GPR65: variants seen among roughly 807,000 people sequenced by gnomAD.
GPR65 encodes G protein-coupled receptor 65, also known as T-cell death-associated gene 8 protein.
Under a neutral mutation model 0.7 loss-of-function variants are expected in GPR65, and 2 were observed. That is an observed-to-expected ratio of 2.83 (90% CI 1.16 to 8.92). The LOEUF is 8.92. Among genes scored for constraint, GPR65 ranks in the 30% most tolerant of loss-of-function variants. The probability of loss-of-function intolerance (pLI) is 0.04; values close to 1 mark genes in which losing one functional copy is unlikely to be tolerated. For missense variants in GPR65, 379 were observed against 399.4 expected, an observed-to-expected ratio of 0.95 and a Z score of 0.43; for synonymous variants, 128 against 146.5, an observed-to-expected ratio of 0.87 and a Z score of 0.91.
rs1027687236 is a variant in GPR65, at chr14:88,010,959, G to T, written c.112G>T (p.Val38Leu). 6.2e-7 allele frequency: 1 copy of T among 1,612,922 alleles called. No individual in the cohort carries two copies. The change falls in exon 2 of 2, where the codon GTG (valine) becomes TTG (leucine). Residue 38 changes from valine (V) to leucine (L), a missense_variant. Transcript: ENST00000267549. Reference sequence around the variant, plus strand: ...TCCAGCCAATATTGGATCTCTGTGTGTGTCTTTCCTGCAAGCAAAGAAGGA... The same window carrying T: ...TCCAGCCAATATTGGATCTCTGTGTTTGTCTTTCCTGCAAGCAAAGAAGGA... ...SIPANIGSLC[V>L]SFLQAKKESE... is the part of the protein sequence containing the mutation.
At chr14:88,009,417 T>C (rs879937166) in intron 1 of GPR65, among the ~76,000 whole-genome samples, 1 of 152,142 alleles carries the variant, frequency 6.6e-6, no homozygotes, top group Non-Finnish European at 1.5e-5. Context: ...TGAAATATGA[T>C]ATATTTTCCC....
Position 88,011,916 on chromosome 14 carries a change from C to A in GPR65, c.*55C>A. 7.8e-7 allele frequency: 1 copy of A among 1,276,354 alleles called. No homozygotes were observed. The highest frequency in any genetic ancestry group is 1.1e-6 in the Non-Finnish European group (1 of 917,822). The allele number at this position is 1,276,354 out of a possible 1,614,324, so 79.1% of individuals were successfully genotyped here. On this transcript the variant is annotated 3_prime_UTR_variant, in exon 2 of 2. Coordinates refer to ENST00000267549, the MANE Select transcript of GPR65 (RefSeq NM_003608.4). The stretch of plus-strand genomic sequence containing the variant: ...TTTAAGTTATGCATTATTATATCAT[C>A]AAGATTACATTTTGAAAAGGAAATC...
Position 88,007,784 on chromosome 14 carries a change from C to CTG in GPR65, c.-460+2568_-460+2569dup, listed in dbSNP as rs764452295. ...GACACGTAGTTGCTTATTATTCTCT[C>CTG]TGTGTGTATGTGTGTGTGTGTGTGT... On this transcript the variant is annotated intron_variant, in intron 1 of 1. Transcript: ENST00000267549. 4.1e-3 allele frequency among the ~76,000 whole-genome samples: 470 copies of CTG among 114,052 alleles called. 4 individuals are homozygous for CTG. The highest frequency in any genetic ancestry group is 0.03 in the Middle Eastern group (7 of 236). 74.8% of individuals were successfully genotyped at this position (114,052 alleles called of 152,430 possible).
intron 1 of GPR65, among the ~76,000 whole-genome samples, chr14:88,007,150 A>G (rs186494271): frequency 4.6e-4 from 70 of 152,108 alleles, no homozygotes; most frequent in Non-Finnish European, 7.9e-4. Context: ...GTGAACTGCA[A>G]TTTTATTGCA....
In GPR65 at chr14:88,011,817, T is replaced by G. The variant is rs768435925; in HGVS notation, c.970T>G (p.Ser324Ala). The change falls in exon 2 of 2, where the codon TCT (serine) becomes GCT (alanine). Residue 324 changes from serine (S) to alanine (A), a missense_variant. Ser to Ala is a moderately conservative substitution (Grantham distance 99, BLOSUM62 1). Transcript: ENST00000267549. Reference protein sequence around the residue: ...TSQRQRKRILSVSTKDTMELE... With the variant: ...TSQRQRKRILAVSTKDTMELE... ...ACAAAGACAAAGAAAACGCATACTT[T>G]CTGTGTCTACAAAAGATACTATGGA... 2 of 1,593,966 alleles carry G rather than the reference T, an allele frequency of 1.3e-6. No individual in the cohort carries two copies. Among genetic ancestry groups the G allele is most frequent in the Non-Finnish European group, 1.7e-6 (2 of 1,168,358 alleles).
rs1887662244 is a variant in GPR65 at position 88,010,725 on chromosome 14, AG to A, written c.-122del. On this transcript the variant is annotated 5_prime_UTR_variant, in exon 2 of 2. Coordinates refer to ENST00000267549, the MANE Select transcript of GPR65 (RefSeq NM_003608.4). ...AATTAATTAGAACTTTAGACAACAA[AG>A]AAAAATTGAAAAAGAATTCTCAGTA... The A allele has an allele frequency of 1.5e-6, 1 of 660,872 alleles. No individual in the cohort carries two copies. Among genetic ancestry groups the A allele is most frequent in the Admixed American group, 2.9e-5 (1 of 34,736 alleles). The allele number at this position is 660,872 out of a possible 1,614,324, so 40.9% of individuals were successfully genotyped here.
Position 88,010,951 on chromosome 14 carries a change from C to T in GPR65, c.104C>T (p.Ser35Phe). ...GTCAGCATTCCAGCCAATATTGGATCTCTGTGTGTGTCTTTCCTGCAAGCA... is the reference window on the plus strand; with the variant it reads ...GTCAGCATTCCAGCCAATATTGGATTTCTGTGTGTGTCTTTCCTGCAAGCA... The part of the protein sequence containing the change: ...IIVSIPANIG[S>F]LCVSFLQAKK... Residue 35 changes from serine to phenylalanine, a missense_variant, in exon 2 of 2, where the codon TCT becomes TTT. Transcript: ENST00000267549. 1 of 1,612,494 alleles carries T rather than the reference C, an allele frequency of 6.2e-7. No individual in the cohort carries two copies. The highest frequency in any genetic ancestry group is 8.5e-7 in the Non-Finnish European group (1 of 1,178,552).
intron 1 of GPR65, among the ~76,000 whole-genome samples, chr14:88,007,792 A>ATGTGTGTGTG (rs3994051): frequency 2.3e-4 from 31 of 136,242 alleles, no homozygotes; most frequent in East Asian, 1.6e-3. Flanking sequence ...CTCTGTGTGT[A>ATGTGTGTGTG]TGTGTGTGTG....
rs1379752342 is a variant in GPR65, at chr14:88,011,114, G to C, written c.267G>C (p.Gly89=). ...NWTFSPALCK[G]SAFLMYMNFY... ...CTTTCTCTCCTGCCTTGTGCAAAGG[G>C]AGTGCTTTTCTCATGTACATGAATT... Residue 89 remains glycine, a synonymous_variant, in exon 2 of 2, where the codon GGG becomes GGC. Transcript: ENST00000267549. 1.9e-6 allele frequency: 3 copies of C among 1,613,882 alleles called. No homozygotes were observed. Among genetic ancestry groups the C allele is most frequent in the East Asian group, 4.5e-5 (2 of 44,896 alleles).
rs1887739916 is a variant in GPR65 at position 88,014,737 on chromosome 14, T to G, written c.*2876T>G. 6.6e-6 allele frequency: 1 copy of G among 152,100 alleles called. No individual in the cohort carries two copies. The highest frequency in any genetic ancestry group is 6.6e-5 in the Admixed American group (1 of 15,264). The allele number at this position is 152,100 out of a possible 1,614,324, so 9.4% of individuals were successfully genotyped here. A position where few individuals can be genotyped will look rare whatever the true frequency, so the allele number is the denominator to read the frequency against. On this transcript the variant is annotated 3_prime_UTR_variant, in exon 2 of 2. Coordinates refer to ENST00000267549, the MANE Select transcript of GPR65 (RefSeq NM_003608.4). ...CATAAAGGGATGAGCTAGAGAGGTC[T>G]CCATATTATCATTCAATGTGAGAAT...
chr14:88,008,417 G>C (rs1372187275), intron 1 of GPR65, among the ~76,000 whole-genome samples: 1 of 152,072 alleles, frequency 6.6e-6, no homozygotes, highest in Admixed American at 6.6e-5. Flanking sequence ...ACTCTTTTGT[G>C]TCTTTTTTTT....
intron 1 of GPR65, among the ~76,000 whole-genome samples, chr14:88,007,414 T>C (rs1887609820): frequency 6.6e-6 from 1 of 152,060 alleles, no homozygotes; most frequent in African/African-American, 2.4e-5. Context: ...ATATCTCTTA[T>C]ATTTTCCCAT....
chr14:88,012,280 A>C lies in GPR65; in HGVS notation c.*419A>C, dbSNP rs1267269383. On this transcript the variant is annotated 3_prime_UTR_variant, in exon 2 of 2. Coordinates refer to ENST00000267549, the MANE Select transcript of GPR65 (RefSeq NM_003608.4). ...CGGTCTCCAACAACCCCAGCTACTG[A>C]ATACTGCTTCTAATCTCCTCATTCA... 1 of 154,954 alleles carries C rather than the reference A, an allele frequency of 6.5e-6. No homozygotes were observed. Among genetic ancestry groups the C allele is most frequent in the Admixed American group, 6.4e-5 (1 of 15,600 alleles). 9.6% of individuals were successfully genotyped at this position (154,954 alleles called of 1,614,324 possible).
intron 1 of GPR65, among the ~76,000 whole-genome samples, chr14:88,009,863 T>C (rs137955538): frequency 3.9e-5 from 6 of 152,352 alleles, no homozygotes; most frequent in African/African-American, 1.2e-4. Flanking sequence ...TAGGATTGTC[T>C]AATTATATGC....
At position 88,014,688 on chromosome 14, in the gene GPR65, CA is replaced by C. The variant is rs1887738665; in HGVS notation, c.*2832del. On this transcript the variant is annotated 3_prime_UTR_variant, in exon 2 of 2. Transcript: ENST00000267549. ...TCAAATAATGTTACAATTCGATGTT[CA>C]AAAAGCAATCCAGGTACATAGCCAT... 1 of 151,980 alleles carries C rather than the reference CA, an allele frequency of 6.6e-6. No individual in the cohort carries two copies. The allele number at this position is 151,980 out of a possible 1,614,324, so 9.4% of individuals were successfully genotyped here. A position where few individuals can be genotyped will look rare whatever the true frequency, so the allele number is the denominator to read the frequency against.
Position 88,010,937 on chromosome 14 carries a change from A to G in GPR65, c.90A>G (p.Pro30=), listed in dbSNP as rs1002366983. ...VYIFVIIVSI[P]ANIGSLCVSF... ...TCTTTGTGATTATAGTCAGCATTCC[A>G]GCCAATATTGGATCTCTGTGTGTGT... The change falls in exon 2 of 2, where the codon CCA becomes CCG. Residue 30 remains proline, a synonymous_variant. Coordinates refer to ENST00000267549, the MANE Select transcript of GPR65 (RefSeq NM_003608.4). The G allele has an allele frequency of 6.2e-7, 1 of 1,612,298 alleles. No individual in the cohort carries two copies. Among genetic ancestry groups the G allele is most frequent in the Non-Finnish European group, 8.5e-7 (1 of 1,178,344 alleles).
At chr14:88,010,163 A>G (rs552373771) in intron 1 of GPR65, among the ~76,000 whole-genome samples, 2 of 152,336 alleles carry the variant, frequency 1.3e-5, no homozygotes, top group Non-Finnish European at 2.9e-5. Flanking sequence ...CTCTAATCTA[A>G]CATGCCTCAG....
rs532186378 is a variant in GPR65 at position 88,010,782 on chromosome 14, A to G, written c.-66A>G. 3.6e-6 allele frequency: 4 copies of G among 1,106,366 alleles called. No individual in the cohort carries two copies. The highest frequency in any genetic ancestry group is 3.1e-5 in the African/African-American group (2 of 63,922). 68.5% of individuals were successfully genotyped at this position (1,106,366 alleles called of 1,614,324 possible). ...GAATTCGATGTTCAAAACAAACTAC[A>G]AAGAGACAAGACTTCTCTGTTTACT... is the stretch of plus-strand genomic sequence containing the variant. On this transcript the variant is annotated 5_prime_UTR_variant, in exon 2 of 2. Transcript: ENST00000267549.
At position 88,011,690 on chromosome 14, in the gene GPR65, A is replaced by C. The variant is rs559422665; in HGVS notation, c.843A>C (p.Leu281Phe). The C allele has an allele frequency of 4.3e-6, 7 of 1,613,826 alleles. No homozygotes were observed. The highest frequency in any genetic ancestry group is 3.3e-5 in the Admixed American group (2 of 59,998). The change falls in exon 2 of 2, where the codon TTA becomes TTC. Residue 281 changes from leucine (L) to phenylalanine (F), a missense_variant. Physicochemically the swap from Leu to Phe is conservative, Grantham distance 22 (BLOSUM62 0). Coordinates refer to ENST00000267549, the MANE Select transcript of GPR65 (RefSeq NM_003608.4). ...GAATCACGGTTGCATTAACAAGTTT[A>C]AATTGTGTTGCTGATCCAATTCTGT... ...MYRITVALTS[L>F]NCVADPILYC... is the part of the protein sequence containing the mutation.
Sources: allele counts gnomAD v4.1 joint callset (sites outside exome capture counted in the v4.1 genomes callset), GRCh38; gene constraint gnomAD v4.1.1; transcripts MANE v1.5; gene names NCBI Gene and HGNC (gene_info 2026-07-23, HGNC 2026-07-21).